The following THSD7A variants were observed in gnomAD, a reference collection of about 807,000 sequenced individuals.
The protein encoded by THSD7A is thrombospondin type 1 domain containing 7A.
A neutral mutation model predicts 231.3 loss-of-function variants in THSD7A; 96 were observed. The ratio of observed to expected loss-of-function variants is 0.41; its 90% CI spans 0.35 to 0.49. The LOEUF (loss-of-function observed/expected upper bound fraction) is 0.49, where lower values mean the gene tolerates loss of function less well. THSD7A is among the 20% of genes least tolerant of loss of function. THSD7A has a pLI of 0.05. For missense variants in THSD7A, 2,290 were observed against 2,070.2 expected (o/e 1.11, Z -2.06); for synonymous variants, 940 against 743.3 (o/e 1.26, Z -4.30).
chr7:11,511,473 T>G (rs905503351), intron 6 of THSD7A, among the ~76,000 whole-genome samples: 2 of 152,156 alleles, frequency 1.3e-5, no homozygotes, highest in African/African-American at 4.8e-5. Context: ...CCCGCATTGC[T>G]AAGTCAATCA....
intron 1 of THSD7A, among the ~76,000 whole-genome samples, chr7:11,788,764 A>G (rs564197360): frequency 1.3e-5 from 2 of 152,104 alleles, no homozygotes; most frequent in South Asian, 2.1e-4. Flanking sequence ...CGATTTTATT[A>G]TCTGTAAAAT....
intron 1 of THSD7A, among the ~76,000 whole-genome samples, chr7:11,829,556 C>T (rs555975068): frequency 4.1e-4 from 62 of 152,188 alleles, no homozygotes; most frequent in African/African-American, 1.4e-3. Flanking sequence ...TAATATGATT[C>T]TCTATAATCC....
Position 11,769,154 on chromosome 7 carries a change from T to TATATATATATATCTATATA in THSD7A, c.190+62602_190+62603insTATATAGATATATATATAT. Among the ~76,000 whole-genome samples the TATATATATATATCTATATA allele has an allele frequency of 1.0e-4, 3 of 29,392 alleles. No homozygotes were observed. The East Asian group carries it at 1.9e-3, about 19-fold the overall frequency. The allele number at this position is 29,392 out of a possible 152,430, so 19.3% of individuals were successfully genotyped here. On this transcript the variant is annotated intron_variant, in intron 1 of 27. Transcript: ENST00000423059. ...ATATATATATATATATATATATATA[T>TATATATATATATCTATATA]TTTTTTTTTTTTTTGGTATTTTTGT...
intron 1 of THSD7A, among the ~76,000 whole-genome samples, chr7:11,737,466 T>C (rs975573097): frequency 2.6e-5 from 4 of 152,034 alleles, no homozygotes; most frequent in Non-Finnish European, 4.4e-5. Flanking sequence ...GCCATGCCTG[T>C]GCCCCGTCCT....
At chr7:11,402,087 T>TATAAG in intron 22 of THSD7A, 119 bp from the exon 23 acceptor site, 2 of 742,976 alleles carry the variant, frequency 2.7e-6, no homozygotes, top group Non-Finnish European at 4.3e-6. Flanking sequence ...ACATAATATT[T>TATAAG]ATAAGATTTA....
intron 4 of THSD7A, among the ~76,000 whole-genome samples, chr7:11,547,334 C>G (rs890156262): frequency 3.9e-5 from 6 of 152,170 alleles, no homozygotes; most frequent in African/African-American, 1.2e-4. Flanking sequence ...GCTAAACACT[C>G]CACTTAAAAG....
At chr7:11,757,338 C>T (rs1283321692) in intron 1 of THSD7A, among the ~76,000 whole-genome samples, 1 of 152,002 alleles carries the variant, frequency 6.6e-6, no homozygotes. Context: ...ATGCATGACG[C>T]TCAGCTTTTC....
At position 11,424,706 on chromosome 7, in the gene THSD7A, G is replaced by A. The variant is rs1361086402; in HGVS notation, c.3373C>T (p.Arg1125Ter). Residue 1125 changes from arginine (R) to a stop codon, truncating the protein, a stop_gained, in exon 16 of 28, where the codon CGA becomes TGA. Transcript: ENST00000423059. LOFTEE classifies it high-confidence loss of function. ...TAGGCTTTGTCTTACCTCACTTTTCGGGTTTGCACGCCCTCTCCACAGTTC... is the reference window on the plus strand; with the variant it reads ...TAGGCTTTGTCTTACCTCACTTTTCAGGTTTGCACGCCCTCTCCACAGTTC... ...RENCGEGVQT[R>*]KVRCMQNTAD... The A allele has an allele frequency of 1.2e-6, 2 of 1,613,760 alleles. No homozygotes were observed. Among genetic ancestry groups the A allele is most frequent in the Non-Finnish European group, 1.7e-6 (2 of 1,179,842 alleles).
rs1785881121 is a variant in THSD7A at position 11,470,208 on chromosome 7, T to G, written c.2253-214A>C. On this transcript the variant is annotated intron_variant, in intron 8 of 27. Coordinates refer to ENST00000423059, the MANE Select transcript of THSD7A (RefSeq NM_015204.3). ...CTCAATAAAGCCTCTCAAGGAAAGA[T>G]GTGCAGATTTACTAATACCAATAAT... 3.3e-5 allele frequency among the ~76,000 whole-genome samples: 5 copies of G among 152,268 alleles called. No individual in the cohort carries two copies. In the South Asian group the frequency reaches 1.0e-3, roughly 32 times the overall value.
chr7:11,693,621 C>T (rs147017027), intron 1 of THSD7A, among the ~76,000 whole-genome samples: 2 of 151,418 alleles, frequency 1.3e-5, no homozygotes, highest in African/African-American at 2.4e-5. Context: ...TAGTGGGCTT[C>T]GTGTCAGATA....
At chr7:11,785,478 T>G (rs1783760995) in intron 1 of THSD7A, among the ~76,000 whole-genome samples, 1 of 152,128 alleles carries the variant, frequency 6.6e-6, no homozygotes, top group African/African-American at 2.4e-5. Flanking sequence ...TATTCAGCAT[T>G]TCCATTTTGT....
At chr7:11,473,514 A>G (rs1786020145) in intron 8 of THSD7A, among the ~76,000 whole-genome samples, 1 of 152,176 alleles carries the variant, frequency 6.6e-6, no homozygotes, top group Non-Finnish European at 1.5e-5. Context: ...TTATCATTTC[A>G]TATCTTACAT....
At chr7:11,710,612 T>C (rs751607046) in intron 1 of THSD7A, among the ~76,000 whole-genome samples, 3 of 150,902 alleles carry the variant, frequency 2.0e-5, no homozygotes, top group Non-Finnish European at 3.0e-5. Flanking sequence ...TGAGTTCTAA[T>C]GCAGAGGGAC....
At chr7:11,448,276 G>A (rs1449946048) in intron 11 of THSD7A, among the ~76,000 whole-genome samples, 2 of 152,072 alleles carry the variant, frequency 1.3e-5, no homozygotes, top group Non-Finnish European at 2.9e-5. Context: ...ATATACATAT[G>A]AGTGTTTTAT....
chr7:11,563,260 C>A (rs548034756), intron 4 of THSD7A, among the ~76,000 whole-genome samples: 1 of 152,112 alleles, frequency 6.6e-6, no homozygotes, highest in African/African-American at 2.4e-5. Context: ...CAATTTTGAG[C>A]CATATTTAAA....
chr7:11,443,690 G>A lies in THSD7A; in HGVS notation c.3064+2371C>T, dbSNP rs146989754. Among the ~76,000 whole-genome samples, 195 of 151,910 alleles carry A rather than the reference G, an allele frequency of 1.3e-3. 1 individual carries two copies. Among genetic ancestry groups the A allele is most frequent in the Middle Eastern group, 0.01 (3 of 294 alleles). On this transcript the variant is annotated intron_variant, in intron 13 of 27. Coordinates refer to ENST00000423059, the MANE Select transcript of THSD7A (RefSeq NM_015204.3). ...ATCTGGAGATTGATTGCCCAACAAC[G>A]TGAATGTACTTAACACTACTGAACA...
chr7:11,563,453 G>A (rs1790162259), intron 4 of THSD7A, among the ~76,000 whole-genome samples: 1 of 152,044 alleles, frequency 6.6e-6, no homozygotes, highest in South Asian at 2.1e-4. Flanking sequence ...TCCGCCTCTT[G>A]GGTTCAAGAG....
At chr7:11,560,830 T>C (rs1240928450) in intron 4 of THSD7A, among the ~76,000 whole-genome samples, 4 of 152,144 alleles carry the variant, frequency 2.6e-5, no homozygotes, top group Non-Finnish European at 4.4e-5. Context: ...AAGTCAAATA[T>C]ATAAAGAAAA....
intron 4 of THSD7A, among the ~76,000 whole-genome samples, chr7:11,568,107 A>G (rs144804646): frequency 2.3e-3 from 345 of 152,306 alleles, no homozygotes; most frequent in African/African-American, 8.1e-3. Context: ...TTTAAGTATC[A>G]TACTAATTAC....
Sources: gnomAD v4.1 joint callset for allele counts (sites outside exome capture counted in the v4.1 genomes callset) on GRCh38, gnomAD v4.1.1 for gene constraint, MANE v1.5 for transcripts, NCBI Gene and HGNC (gene_info 2026-07-23, HGNC 2026-07-21) for gene names.